The following PRELID2 variants were observed in gnomAD, a reference collection of about 807,000 sequenced individuals.
PRELID2 encodes PRELI domain containing 2, also known as PRELI domain-containing protein 2.
In PRELID2, 25 loss-of-function variants were observed where a neutral mutation model predicts 28.4. The observed-to-expected ratio is 0.88, with a 90% CI of 0.64 to 1.23. The LOEUF is 1.23. Among genes scored for constraint, PRELID2 ranks in the 50% most tolerant of loss-of-function variants. The pLI is 0.00. For synonymous variants in PRELID2, 76 were observed against 71.6 expected, an observed-to-expected ratio of 1.06 and a Z score of -0.31; for missense variants, 201 against 214.4, an observed-to-expected ratio of 0.94 and a Z score of 0.39.
chr5:145,375,935 T>G, the PRELID2 span, among the ~76,000 whole-genome samples: 1 of 152,200 alleles, frequency 6.6e-6, no homozygotes, highest in African/African-American at 2.4e-5. Context: ...GCTGCTATGT[T>G]GAATAGAAGT....
intron 1 of PRELID2, among the ~76,000 whole-genome samples, chr5:145,711,723 T>TGTGTGTTGG (rs1755700433): frequency 6.7e-6 from 1 of 150,200 alleles, no homozygotes; most frequent in African/African-American, 2.4e-5. Flanking sequence ...TACTTACGGC[T>TGTGTGTTGG]GTGTGTTGGG....
At chr5:145,364,984 T>C in the PRELID2 span, among the ~76,000 whole-genome samples, 1 of 152,062 alleles carries the variant, frequency 6.6e-6, no homozygotes, top group Admixed American at 6.6e-5. Context: ...TCAGAAAGGA[T>C]TTTTATTGAC....
At chr5:145,405,709 T>G in the PRELID2 span, among the ~76,000 whole-genome samples, 12 of 146,730 alleles carry the variant, frequency 8.2e-5, no homozygotes, top group African/African-American at 1.8e-4. Context: ...GTTGTTTTTT[T>G]TTTTTTTTTT....
At chr5:145,718,662 T>C (rs932639149) in intron 1 of PRELID2, among the ~76,000 whole-genome samples, 1 of 151,864 alleles carries the variant, frequency 6.6e-6, no homozygotes, top group African/African-American at 2.4e-5. Context: ...TATTAAGCCA[T>C]AAAAATTAAC....
chr5:145,497,996 A>G (rs1752323116), intron 1 of PRELID2, among the ~76,000 whole-genome samples: 2 of 152,212 alleles, frequency 1.3e-5, no homozygotes, highest in African/African-American at 2.4e-5. Context: ...AATACTCTCA[A>G]TCCACTGTTA....
the PRELID2 span, among the ~76,000 whole-genome samples, chr5:145,312,191 C>T: frequency 7.0e-6 from 1 of 141,920 alleles, no homozygotes; most frequent in African/African-American, 2.6e-5. Context: ...ACTAAAAATA[C>T]AAAAAAAAAA....
At chr5:145,413,235 G>T in the PRELID2 span, among the ~76,000 whole-genome samples, 1 of 152,068 alleles carries the variant, frequency 6.6e-6, no homozygotes, top group Non-Finnish European at 1.5e-5. Flanking sequence ...TATGAAAAAT[G>T]CTCAACATCA....
intron 4 of PRELID2, among the ~76,000 whole-genome samples, chr5:145,816,140 T>C (rs1754292641): frequency 6.9e-6 from 1 of 145,360 alleles, no homozygotes; most frequent in South Asian, 2.3e-4. Context: ...TAGAGTGCCA[T>C]GGTGCGATCT....
intron 1 of PRELID2, among the ~76,000 whole-genome samples, chr5:145,617,299 C>T (rs547660878): frequency 1.3e-3 from 203 of 152,246 alleles, no homozygotes; most frequent in South Asian, 3.1e-3. Context: ...TAGGAAATCA[C>T]AAGAGTATTG....
intron 1 of PRELID2, among the ~76,000 whole-genome samples, chr5:145,490,670 A>G (rs183173529): frequency 1.7e-4 from 26 of 152,352 alleles, no homozygotes; most frequent in African/African-American, 4.6e-4. Flanking sequence ...TAAATTTATC[A>G]TAAGTTTTCA....
chr5:145,343,127 T>A, the PRELID2 span, among the ~76,000 whole-genome samples: 1 of 151,648 alleles, frequency 6.6e-6, no homozygotes, highest in Admixed American at 6.6e-5. Flanking sequence ...CAAAAAAAAA[T>A]TAACAAAGAA....
At chr5:145,580,181 C>T (rs1481541501) in intron 1 of PRELID2, among the ~76,000 whole-genome samples, 1 of 151,998 alleles carries the variant, frequency 6.6e-6, no homozygotes, top group Non-Finnish European at 1.5e-5. Context: ...ATATAGGTGG[C>T]AAGGCCATAC....
chr5:145,667,863 C>T (rs10076979), intron 1 of PRELID2, among the ~76,000 whole-genome samples: 9,704 of 152,148 alleles, frequency 0.064, 1,040 homozygotes, highest in African/African-American at 0.22. Flanking sequence ...TAGCGTCTAA[C>T]CTCAGCCACT....
At chr5:145,313,387 C>T in the PRELID2 span, among the ~76,000 whole-genome samples, 38 of 152,296 alleles carry the variant, frequency 2.5e-4, no homozygotes, top group African/African-American at 8.4e-4. Context: ...GAGGAAAGGG[C>T]TCTTCTCATT....
intron 1 of PRELID2, among the ~76,000 whole-genome samples, chr5:145,570,772 C>G (rs750861712): frequency 6.6e-6 from 1 of 152,202 alleles, no homozygotes; most frequent in Non-Finnish European, 1.5e-5. Context: ...TGTCCCCTAA[C>G]TTATTTTAAA....
At chr5:145,407,660 C>T in the PRELID2 span, among the ~76,000 whole-genome samples, 3 of 152,176 alleles carry the variant, frequency 2.0e-5, no homozygotes, top group African/African-American at 7.2e-5. Context: ...AGCTGCTGCT[C>T]TCTTGAAAGA....
At chr5:145,311,483 A>C in the PRELID2 span, among the ~76,000 whole-genome samples, 2 of 152,160 alleles carry the variant, frequency 1.3e-5, no homozygotes, top group South Asian at 4.1e-4. Context: ...TGCACAGGAA[A>C]TCCTGTGACT....
At chr5:145,814,732 CCAGTTCACAGCAACCA>C (rs1418784180) in intron 4 of PRELID2, among the ~76,000 whole-genome samples, 3 of 152,080 alleles carry the variant, frequency 2.0e-5, no homozygotes, top group Admixed American at 1.3e-4. Context: ...AGATAATTAT[CCAGTTCACAGCAACCA>C]CAGTTCACAG....
the PRELID2 span, among the ~76,000 whole-genome samples, chr5:145,461,875 G>A: frequency 6.6e-6 from 1 of 152,156 alleles, no homozygotes; most frequent in Non-Finnish European, 1.5e-5. Flanking sequence ...GTTAGATTGA[G>A]GATATATGAC....
Sources: allele counts gnomAD v4.1 joint callset (sites outside exome capture counted in the v4.1 genomes callset), GRCh38; gene constraint gnomAD v4.1.1; transcripts MANE v1.5; gene names NCBI Gene and HGNC (gene_info 2026-07-23, HGNC 2026-07-21).